The following GRID2 variants were observed in gnomAD, a reference collection of about 807,000 sequenced individuals.
GRID2 encodes glutamate receptor ionotropic, delta-2.
In GRID2, 33 loss-of-function variants were observed where a neutral mutation model predicts 114.8. The ratio of observed to expected loss-of-function variants is 0.29; its 90% CI spans 0.22 to 0.38. GRID2 has a LOEUF of 0.38. GRID2 is among the 10% of genes least tolerant of loss of function. The pLI, the probability that GRID2 is intolerant of heterozygous loss-of-function variation, is 1.00. For missense variants in GRID2, 1,184 were observed against 1,257.7 expected (o/e 0.94, Z 0.89); for synonymous variants, 505 against 449.9 (o/e 1.12, Z -1.55).
intron 4 of GRID2, among the ~76,000 whole-genome samples, chr4:93,169,479 T>C (rs1738590266): frequency 6.6e-6 from 1 of 152,210 alleles, no homozygotes; most frequent in Non-Finnish European, 1.5e-5. Context: ...ATGTATTCAA[T>C]ATTTGATTGC....
chr4:92,486,547 TCACACACACACACACACACACACACA>T (rs72216440), intron 1 of GRID2, among the ~76,000 whole-genome samples: 1 of 137,074 alleles, frequency 7.3e-6, no homozygotes, highest in African/African-American at 2.7e-5. Context: ...TCTCTCTCTT[TCACACACACACACACACACACACACA>T]CACACACACA....
chr4:93,751,735 T>C (rs1276323994), intron 14 of GRID2, among the ~76,000 whole-genome samples: 1 of 152,162 alleles, frequency 6.6e-6, no homozygotes, highest in Admixed American at 6.5e-5. Context: ...AGTGAGAGGT[T>C]AGCGAAAACA....
chr4:93,538,352 A>G (rs1385066842), intron 13 of GRID2, among the ~76,000 whole-genome samples: 1 of 151,808 alleles, frequency 6.6e-6, no homozygotes, highest in African/African-American at 2.4e-5. Context: ...ATTGGATTAC[A>G]ACCCAAACTC....
intron 2 of GRID2, among the ~76,000 whole-genome samples, chr4:92,629,323 T>C (rs995860633): frequency 3.3e-5 from 5 of 152,108 alleles, no homozygotes; most frequent in Non-Finnish European, 5.9e-5. Context: ...TGTTAATAAA[T>C]AGTACCATGG....
intron 7 of GRID2, among the ~76,000 whole-genome samples, chr4:93,234,403 G>T (rs1327184121): frequency 6.6e-6 from 1 of 151,890 alleles, no homozygotes; most frequent in Non-Finnish European, 1.5e-5. Flanking sequence ...TTTCAGTTTG[G>T]GCTCCTCAGT....
At chr4:93,293,648 G>C (rs953601606) in intron 8 of GRID2, among the ~76,000 whole-genome samples, 1 of 151,448 alleles carries the variant, frequency 6.6e-6, no homozygotes, top group Non-Finnish European at 1.5e-5. Flanking sequence ...AAAATAATTT[G>C]CGGGAAATCA....
chr4:92,558,927 C>A (rs1278690874), intron 1 of GRID2, among the ~76,000 whole-genome samples: 3 of 152,156 alleles, frequency 2.0e-5, no homozygotes, highest in Non-Finnish European at 4.4e-5. Flanking sequence ...GGTTTTATAT[C>A]TCTTAAAAGC....
At chr4:93,690,948 T>C (rs1191261391) in intron 14 of GRID2, among the ~76,000 whole-genome samples, 1 of 148,516 alleles carries the variant, frequency 6.7e-6, no homozygotes, top group African/African-American at 2.4e-5. Flanking sequence ...TATTATAACA[T>C]ACATAATATA....
At chr4:93,187,271 G>A (rs934833002) in intron 4 of GRID2, among the ~76,000 whole-genome samples, 2 of 151,924 alleles carry the variant, frequency 1.3e-5, no homozygotes, top group African/African-American at 4.8e-5. Context: ...TAGCTCCAAA[G>A]TCTTTTTTTT....
At chr4:93,189,551 C>G (rs1740768379) in intron 4 of GRID2, among the ~76,000 whole-genome samples, 1 of 152,036 alleles carries the variant, frequency 6.6e-6, no homozygotes, top group Admixed American at 6.6e-5. Context: ...ATAGCAATAG[C>G]CATCTAAACA....
intron 8 of GRID2, among the ~76,000 whole-genome samples, chr4:93,244,506 ATATAATCTATTAAT>A: frequency 2.0e-5 from 1 of 50,024 alleles, no homozygotes; most frequent in Non-Finnish European, 4.2e-5. Flanking sequence ...TTAATAGATT[ATATAATCTATTAAT>A]TAATAGATTA....
intron 1 of GRID2, among the ~76,000 whole-genome samples, chr4:92,438,604 GTGT>G (rs1732854214): frequency 7.2e-5 from 11 of 151,822 alleles, no homozygotes; most frequent in Admixed American, 4.6e-4. Context: ...GTGTGTGTGT[GTGT>G]GTTTCTATAC....
At chr4:93,155,913 A>G (rs1292332383) in intron 4 of GRID2, among the ~76,000 whole-genome samples, 3 of 151,904 alleles carry the variant, frequency 2.0e-5, no homozygotes, top group Non-Finnish European at 4.4e-5. Context: ...TGATAGCACA[A>G]CAGGGTGAAT....
intron 8 of GRID2, among the ~76,000 whole-genome samples, chr4:93,350,715 C>G (rs1760715887): frequency 6.6e-6 from 1 of 151,796 alleles, no homozygotes; most frequent in Admixed American, 6.6e-5. Context: ...TTTTTGAAGA[C>G]CAGGAAGCCA....
At chr4:93,467,370 C>A (rs1724386389) in intron 11 of GRID2, among the ~76,000 whole-genome samples, 1 of 152,084 alleles carries the variant, frequency 6.6e-6, no homozygotes, top group Non-Finnish European at 1.5e-5. Context: ...AATCAGCAAC[C>A]AATTTTTGCC....
rs535969778 is a variant in GRID2, at chr4:93,546,776, C to A, written c.2193+31365C>A. On this transcript the variant is annotated intron_variant, in intron 13 of 15. Coordinates refer to ENST00000282020, the MANE Select transcript of GRID2 (RefSeq NM_001510.4). ...TTCTATCAGAATACTCTTAGAGGAC[C>A]ATGTTGAAAATGGCTCTATTCTAAT... Among the ~76,000 whole-genome samples, 198 of 152,158 alleles carry A rather than the reference C, an allele frequency of 1.3e-3. No homozygotes were observed. In the Middle Eastern group the frequency reaches 0.014, roughly 10 times the overall value.
intron 13 of GRID2, among the ~76,000 whole-genome samples, chr4:93,595,087 CCTGCTTTTTAAGACATGCTG>C (rs946847119): frequency 6.6e-6 from 1 of 152,110 alleles, no homozygotes; most frequent in African/African-American, 2.4e-5. Flanking sequence ...CCTCCACTCC[CCTGCTTTTTAAGACATGCTG>C]CCTGCTCTCC....
intron 1 of GRID2, among the ~76,000 whole-genome samples, chr4:92,488,659 G>A (rs180729447): frequency 3.7e-4 from 57 of 152,192 alleles, no homozygotes; most frequent in African/African-American, 1.3e-3. Context: ...CTGCCCATGG[G>A]ATTTAATCAA....
chr4:93,145,688 G>A lies in GRID2; in HGVS notation c.735+34735G>A, dbSNP rs546399081. On this transcript the variant is annotated intron_variant, in intron 4 of 15. Coordinates refer to ENST00000282020, the MANE Select transcript of GRID2 (RefSeq NM_001510.4). ...TTTTTTTTTTTTTAGTAGAGATGGC[G>A]TTTCACCATGTTGGCCAGGCTTGTC... 2.0e-4 allele frequency among the ~76,000 whole-genome samples: 19 copies of A among 96,998 alleles called. No homozygotes were observed. The South Asian group carries it at 3.8e-3, about 20-fold the overall frequency. 63.6% of individuals were successfully genotyped at this position (96,998 alleles called of 152,430 possible).
Sources: gnomAD v4.1 joint callset for allele counts (sites outside exome capture counted in the v4.1 genomes callset) on GRCh38, gnomAD v4.1.1 for gene constraint, MANE v1.5 for transcripts, NCBI Gene and HGNC (gene_info 2026-07-23, HGNC 2026-07-21) for gene names.